Variants in AGBL4 observed in about 807,000 individuals in gnomAD.
AGBL4 encodes the protein cytosolic carboxypeptidase 6.
In AGBL4, 58 loss-of-function variants were observed where a neutral mutation model predicts 66.4. The observed-to-expected ratio is 0.87, with a 90% CI of 0.71 to 1.09. The LOEUF (loss-of-function observed/expected upper bound fraction) is 1.09. Among genes scored for constraint, AGBL4 ranks in the 50% least tolerant of loss-of-function variants. The probability of loss-of-function intolerance (pLI) is 0.00; values close to 1 mark genes in which losing one functional copy is unlikely to be tolerated. For synonymous variants in AGBL4, 234 were observed against 222.9 expected (o/e 1.05, Z -0.44); for missense variants, 579 against 631.0 (o/e 0.92, Z 0.88).
intron 6 of AGBL4, among the ~76,000 whole-genome samples, chr1:48,819,153 C>T (rs1206668901): frequency 4.6e-5 from 7 of 151,606 alleles, no homozygotes; most frequent in South Asian, 2.1e-4. Flanking sequence ...CTAGAGATGA[C>T]GATATTGAAA....
intron 3 of AGBL4, among the ~76,000 whole-genome samples, chr1:49,342,626 C>G (rs949435466): frequency 6.6e-6 from 1 of 152,122 alleles, no homozygotes; most frequent in Non-Finnish European, 1.5e-5. Context: ...GGGAAGAGCA[C>G]CAGAGACTGC....
intron 1 of AGBL4, among the ~76,000 whole-genome samples, chr1:49,938,628 A>C (rs1415583357): frequency 1.3e-5 from 2 of 152,198 alleles, no homozygotes; most frequent in East Asian, 1.9e-4. Context: ...CCAACAGCAC[A>C]TCAAAAAGCT....
intron 3 of AGBL4, among the ~76,000 whole-genome samples, chr1:49,349,582 G>T (rs1220471888): frequency 1.3e-5 from 2 of 152,202 alleles, no homozygotes. Flanking sequence ...TTGACACTAT[G>T]TACCTCTTCT....
intron 2 of AGBL4, 56 bp downstream of exon 2, chr1:49,851,339 GA>G: frequency 1.4e-6 from 2 of 1,474,612 alleles, no homozygotes; most frequent in South Asian, 1.4e-5. Flanking sequence ...ATTCAATTCT[GA>G]AAAAAGAAAT....
At chr1:49,297,515 C>T (rs141209329) in intron 3 of AGBL4, among the ~76,000 whole-genome samples, 2 of 152,304 alleles carry the variant, frequency 1.3e-5, no homozygotes, top group African/African-American at 4.8e-5. Context: ...GATTCTGCCA[C>T]TTACTAGCTA....
chr1:49,911,530 G>C (rs535585711), intron 1 of AGBL4, among the ~76,000 whole-genome samples: 1 of 152,342 alleles, frequency 6.6e-6, no homozygotes, highest in East Asian at 1.9e-4. Flanking sequence ...ACATCACCAA[G>C]ATAGCAAAAT....
At chr1:48,703,488 C>T (rs556992926) in intron 6 of AGBL4, among the ~76,000 whole-genome samples, 2 of 152,144 alleles carry the variant, frequency 1.3e-5, no homozygotes, top group Admixed American at 6.5e-5. Context: ...TATCAATATT[C>T]CTGGTAGGGA....
Position 49,305,852 on chromosome 1 carries a change from G to A in AGBL4, c.283-59988C>T, listed in dbSNP as rs372218486. ...ATTACAGGCAAGTGCCACCACGCCC[G>A]GCTAATTTTGTATTTCTAGTAGAGA... On this transcript the variant is annotated intron_variant, in intron 3 of 13. Transcript: ENST00000371839. 3.5e-4 allele frequency among the ~76,000 whole-genome samples: 53 copies of A among 152,094 alleles called. 1 individual carries two copies. The South Asian group carries it at 0.01, about 29-fold the overall frequency.
chr1:49,105,351 C>G (rs532531246), intron 4 of AGBL4, among the ~76,000 whole-genome samples: 1 of 152,098 alleles, frequency 6.6e-6, no homozygotes. Flanking sequence ...TCTCTGAGAG[C>G]CTGTAGGATC....
At chr1:49,912,218 C>A (rs1234502036) in intron 1 of AGBL4, among the ~76,000 whole-genome samples, 1 of 152,124 alleles carries the variant, frequency 6.6e-6, no homozygotes, top group African/African-American at 2.4e-5. Context: ...CAGGGACTTG[C>A]GAGGAGACAT....
At chr1:49,428,112 C>T (rs890821770) in intron 3 of AGBL4, among the ~76,000 whole-genome samples, 1 of 152,208 alleles carries the variant, frequency 6.6e-6, no homozygotes, top group Non-Finnish European at 1.5e-5. Context: ...GTCCCCACCC[C>T]ACCCAGGAGC....
chr1:49,265,831 G>A (rs901089183), intron 3 of AGBL4, among the ~76,000 whole-genome samples: 7 of 151,976 alleles, frequency 4.6e-5, no homozygotes, highest in African/African-American at 1.2e-4. Context: ...GAATATGTAC[G>A]TGTGTATAGA....
intron 4 of AGBL4, among the ~76,000 whole-genome samples, chr1:49,239,927 C>T (rs1651084127): frequency 6.6e-6 from 1 of 151,874 alleles, no homozygotes; most frequent in South Asian, 2.1e-4. Context: ...ATGTGTGGAA[C>T]AGAGGATGTA....
At chr1:49,609,078 T>A (rs1252735463) in intron 3 of AGBL4, among the ~76,000 whole-genome samples, 1 of 152,184 alleles carries the variant, frequency 6.6e-6, no homozygotes, top group African/African-American at 2.4e-5. Flanking sequence ...CTACATTACA[T>A]TGTCTTTCAT....
intron 2 of AGBL4, among the ~76,000 whole-genome samples, chr1:49,820,512 T>A (rs941848198): frequency 2.7e-4 from 41 of 152,128 alleles, no homozygotes; most frequent in African/African-American, 9.4e-4. Context: ...ATTATCTCCC[T>A]CCATTACGGA....
intron 5 of AGBL4, among the ~76,000 whole-genome samples, chr1:48,891,045 C>T (rs542543026): frequency 6.6e-6 from 1 of 152,256 alleles, no homozygotes; most frequent in Admixed American, 6.5e-5. Context: ...ACTGATCAGT[C>T]CAGTAGGATG....
Position 48,814,609 on chromosome 1 carries a change from CTT to C in AGBL4, c.634+52580_634+52581del, listed in dbSNP as rs10708061. Among the ~76,000 whole-genome samples, 801 of 131,598 alleles carry C rather than the reference CTT, an allele frequency of 6.1e-3. 3 individuals are homozygous for C. Among genetic ancestry groups the C allele is most frequent in the South Asian group, 0.013 (50 of 3,906 alleles). The allele number at this position is 131,598 out of a possible 152,430, so 86.3% of individuals were successfully genotyped here. A position where few individuals can be genotyped will look rare whatever the true frequency, so the allele number is the denominator to read the frequency against. The stretch of plus-strand genomic sequence containing the variant: ...AATCTCTCCCTATGTATGAGATCAA[CTT>C]TTTTTTTTTTTTTTTTTAGCATCCA... On this transcript the variant is annotated intron_variant, in intron 6 of 13. Coordinates refer to ENST00000371839, the MANE Select transcript of AGBL4 (RefSeq NM_032785.4).
intron 2 of AGBL4, among the ~76,000 whole-genome samples, chr1:49,778,201 C>A (rs1437765130): frequency 6.6e-6 from 1 of 152,134 alleles, no homozygotes; most frequent in Admixed American, 6.5e-5. Flanking sequence ...CTTGCCCCAG[C>A]TACCTTATAG....
chr1:50,012,682 G>A (rs1661640196), intron 1 of AGBL4, among the ~76,000 whole-genome samples: 1 of 152,122 alleles, frequency 6.6e-6, no homozygotes, highest in Non-Finnish European at 1.5e-5. Flanking sequence ...AGTAGGATAA[G>A]GATGCTTTTG....
Sources: gnomAD v4.1 joint callset for allele counts (sites outside exome capture counted in the v4.1 genomes callset) on GRCh38, gnomAD v4.1.1 for gene constraint, MANE v1.5 for transcripts, NCBI Gene and HGNC (gene_info 2026-07-23, HGNC 2026-07-21) for gene names.